The following CCDC91 variants were observed in gnomAD, a reference collection of about 807,000 sequenced individuals.
CCDC91 encodes coiled-coil domain containing 91.
A neutral mutation model predicts 63.2 loss-of-function variants in CCDC91; 48 were observed. That is an observed-to-expected ratio of 0.76 (90% confidence interval 0.60 to 0.97). CCDC91 has a LOEUF of 0.97. Among genes scored for constraint, CCDC91 ranks in the 50% least tolerant of loss-of-function variants. The probability of loss-of-function intolerance (pLI) is 0.00; values close to 1 mark genes in which losing one functional copy is unlikely to be tolerated. For synonymous variants in CCDC91, 167 were observed against 165.8 expected, an observed-to-expected ratio of 1.01 and a Z score of -0.06; for missense variants, 500 against 494.6, an observed-to-expected ratio of 1.01 and a Z score of -0.10.
intron 12 of CCDC91, among the ~76,000 whole-genome samples, chr12:28,530,831 C>A (rs1169056589): frequency 1.3e-5 from 2 of 152,014 alleles, no homozygotes; most frequent in African/African-American, 4.8e-5. Context: ...CAATTAAATA[C>A]CCCTTGAGTG....
At chr12:28,346,694 C>T (rs979050664) in intron 6 of CCDC91, among the ~76,000 whole-genome samples, 1 of 152,136 alleles carries the variant, frequency 6.6e-6, no homozygotes, top group African/African-American at 2.4e-5. Flanking sequence ...CTTCCATGTG[C>T]TCCCTGGGAT....
intron 12 of CCDC91, among the ~76,000 whole-genome samples, chr12:28,527,936 C>G (rs1178717122): frequency 6.6e-6 from 1 of 152,160 alleles, no homozygotes; most frequent in Non-Finnish European, 1.5e-5. Flanking sequence ...TGGCTGGTCT[C>G]ACTCCCACTG....
At chr12:28,308,338 A>G (rs1305597625) in intron 6 of CCDC91, among the ~76,000 whole-genome samples, 1 of 152,036 alleles carries the variant, frequency 6.6e-6, no homozygotes, top group Non-Finnish European at 1.5e-5. Flanking sequence ...GTATATTATC[A>G]TTATTTCTCC....
chr12:28,196,124 C>T (rs34378873), intron 1 of CCDC91, among the ~76,000 whole-genome samples: 39,708 of 152,090 alleles, frequency 0.26, 5,449 homozygotes, highest in Non-Finnish European at 0.31. Context: ...CAAAATGAAA[C>T]AACCTTTCTA....
intron 12 of CCDC91, among the ~76,000 whole-genome samples, chr12:28,501,744 C>T (rs1937904775): frequency 1.3e-5 from 2 of 151,900 alleles, no homozygotes; most frequent in African/African-American, 4.8e-5. Flanking sequence ...GGAGGATTCC[C>T]TCTTTTCTAT....
chr12:28,508,813 C>G (rs184566049), intron 12 of CCDC91, among the ~76,000 whole-genome samples: 3 of 152,006 alleles, frequency 2.0e-5, no homozygotes, highest in Admixed American at 2.0e-4. Context: ...GTAAGTAGGG[C>G]CACTCTTATT....
At chr12:28,304,375 T>TAAAAAAAAAAAAAAAAAA (rs777296414) in intron 3 of CCDC91, among the ~76,000 whole-genome samples, 8 of 73,582 alleles carry the variant, frequency 1.1e-4, no homozygotes, top group African/African-American at 4.7e-4. Context: ...AGACTCCGTC[T>TAAAAAAAAAAAAAAAAAA]AAAAAAAAAA....
chr12:28,391,483 G>T, intron 8 of CCDC91, 72 bp downstream of exon 8: 1 of 879,752 alleles, frequency 1.1e-6, no homozygotes, highest in Non-Finnish European at 1.8e-6. Context: ...CTCTATAACT[G>T]TTTATTCAGT....
intron 3 of CCDC91, among the ~76,000 whole-genome samples, chr12:28,277,635 C>G (rs1478807574): frequency 2.0e-5 from 3 of 151,948 alleles, no homozygotes; most frequent in Admixed American, 2.0e-4. Flanking sequence ...AGTACTCAAC[C>G]TGTAGTCAAT....
chr12:28,241,537 T>A (rs551287634), intron 1 of CCDC91, among the ~76,000 whole-genome samples: 1 of 152,304 alleles, frequency 6.6e-6, no homozygotes, highest in East Asian at 1.9e-4. Context: ...TCAGGTAATC[T>A]AATCTGTCCT....
At chr12:28,214,964 G>A (rs1234561653) in intron 1 of CCDC91, among the ~76,000 whole-genome samples, 1 of 152,162 alleles carries the variant, frequency 6.6e-6, no homozygotes, top group East Asian at 1.9e-4. Flanking sequence ...ATTATTCTAG[G>A]TATGTCTTTG....
chr12:28,434,790 G>A (rs900962817), intron 8 of CCDC91, among the ~76,000 whole-genome samples: 1 of 151,112 alleles, frequency 6.6e-6, no homozygotes, highest in Non-Finnish European at 1.5e-5. Flanking sequence ...GGTTGTTAAT[G>A]TTTTGATTAA....
chr12:28,315,806 GTT>G (rs879774391), intron 6 of CCDC91, among the ~76,000 whole-genome samples: 1 of 143,372 alleles, frequency 7.0e-6, no homozygotes. Flanking sequence ...GGTAATTCCT[GTT>G]TTTTTTTTTT....
At chr12:28,407,637 C>G (rs1350812090) in intron 8 of CCDC91, among the ~76,000 whole-genome samples, 3 of 152,080 alleles carry the variant, frequency 2.0e-5, no homozygotes, top group Non-Finnish European at 4.4e-5. Context: ...TACAACAAGG[C>G]CTGTTGGTAT....
chr12:28,307,597 T>G (rs765204133), intron 5 of CCDC91, 48 bp from the exon 6 acceptor site: 2 of 983,086 alleles, frequency 2.0e-6, no homozygotes, highest in Admixed American at 5.2e-5. Context: ...CTAATTATAT[T>G]TTATGCCATT....
chr12:28,391,974 T>C (rs1945975346), intron 8 of CCDC91, among the ~76,000 whole-genome samples: 1 of 152,192 alleles, frequency 6.6e-6, no homozygotes, highest in South Asian at 2.1e-4. Context: ...ATATAAAATT[T>C]GGAATGTGAA....
intron 3 of CCDC91, among the ~76,000 whole-genome samples, chr12:28,268,923 A>G (rs1198727081): frequency 1.3e-5 from 2 of 152,174 alleles, no homozygotes; most frequent in African/African-American, 2.4e-5. Context: ...AGATTCTTGT[A>G]TTGGACTCTT....
At chr12:28,434,629 G>T (rs1195721077) in intron 8 of CCDC91, among the ~76,000 whole-genome samples, 72 of 140,758 alleles carry the variant, frequency 5.1e-4, no homozygotes, top group Non-Finnish European at 1.2e-4. Context: ...TGATTGGGGG[G>T]TGGGTAATGC....
intron 1 of CCDC91, among the ~76,000 whole-genome samples, chr12:28,252,673 G>A (rs941546241): frequency 3.3e-5 from 5 of 151,434 alleles, no homozygotes; most frequent in African/African-American, 7.3e-5. Context: ...AAGATACTAT[G>A]GTTTTGTTTT....
Sources: gnomAD v4.1 joint callset for allele counts (sites outside exome capture counted in the v4.1 genomes callset) on GRCh38, gnomAD v4.1.1 for gene constraint, MANE v1.5 for transcripts, NCBI Gene and HGNC (gene_info 2026-07-23, HGNC 2026-07-21) for gene names.